Variants in VPS50 observed in about 807,000 individuals in gnomAD.
The protein encoded by VPS50 is syndetin.
In VPS50, 70 loss-of-function variants were observed where a neutral mutation model predicts 139.7. That is an observed-to-expected ratio of 0.50 (90% confidence interval 0.41 to 0.61). The LOEUF (loss-of-function observed/expected upper bound fraction) is 0.61, where lower values mean the gene tolerates loss of function less well. Among genes scored for constraint, VPS50 ranks in the 20% least tolerant of loss-of-function variants. The pLI, the probability that VPS50 is intolerant of heterozygous loss-of-function variation, is 0.00. For missense variants in VPS50, 921 were observed against 1,133.7 expected, an observed-to-expected ratio of 0.81 and a Z score of 2.69; for synonymous variants, 365 against 376.7, an observed-to-expected ratio of 0.97 and a Z score of 0.36.
At chr7:93,330,382 A>G (rs1797900282) in intron 21 of VPS50, among the ~76,000 whole-genome samples, 1 of 152,178 alleles carries the variant, frequency 6.6e-6, no homozygotes, top group Non-Finnish European at 1.5e-5. Flanking sequence ...ATGATAATGG[A>G]CTAAACTCTC....
At chr7:93,268,777 CTATTCACATGTCTTTGT>C (rs1224798798) in intron 9 of VPS50, among the ~76,000 whole-genome samples, 73 of 152,204 alleles carry the variant, frequency 4.8e-4, no homozygotes, top group Admixed American at 1.8e-3. Flanking sequence ...CATGTCTTTG[CTATTCACATGTCTTTGT>C]TATCGTGAAT....
intron 2 of VPS50, among the ~76,000 whole-genome samples, chr7:93,249,212 T>C (rs1218363798): frequency 1.3e-5 from 2 of 152,162 alleles, no homozygotes; most frequent in Non-Finnish European, 1.5e-5. Flanking sequence ...GTTTTTGAAA[T>C]GTACACTTGT....
chr7:93,314,428 C>G (rs1797362822), intron 20 of VPS50, among the ~76,000 whole-genome samples: 1 of 152,144 alleles, frequency 6.6e-6, no homozygotes, highest in Non-Finnish European at 1.5e-5. Flanking sequence ...GAGGACTGAT[C>G]AGAACAGTTG....
At chr7:93,303,647 TA>T in intron 17 of VPS50, 97 bp downstream of exon 17, 1 of 529,152 alleles carries the variant, frequency 1.9e-6, no homozygotes, top group Non-Finnish European at 3.3e-6. Context: ...AAAACATTTA[TA>T]AAATAAATTA....
chr7:93,318,476 C>T (rs1332831120), intron 20 of VPS50, among the ~76,000 whole-genome samples: 3 of 152,118 alleles, frequency 2.0e-5, no homozygotes, highest in South Asian at 4.1e-4. Context: ...GCTATTATGG[C>T]TTTATATGCC....
intron 3 of VPS50, among the ~76,000 whole-genome samples, 169 bp from the exon 4 acceptor site, chr7:93,253,691 G>T (rs1795403825): frequency 6.6e-6 from 1 of 152,172 alleles, no homozygotes; most frequent in Non-Finnish European, 1.5e-5. Flanking sequence ...AGGCTTTTGT[G>T]GTTGGAACCT....
chr7:93,324,499 A>T (rs1190170044), intron 21 of VPS50, among the ~76,000 whole-genome samples: 8 of 152,162 alleles, frequency 5.3e-5, no homozygotes, highest in Non-Finnish European at 1.2e-4. Flanking sequence ...TAGCATGAAG[A>T]GTTGTTGAAT....
intron 17 of VPS50, 23 bp downstream of exon 17, chr7:93,303,573 G>T: frequency 8.9e-7 from 1 of 1,123,488 alleles, no homozygotes; most frequent in Non-Finnish European, 1.3e-6. Context: ...TAAGAACAAA[G>T]AAATCTGTCT....
chr7:93,287,742 G>A (rs959367875), intron 12 of VPS50, among the ~76,000 whole-genome samples: 3 of 152,014 alleles, frequency 2.0e-5, no homozygotes, highest in Non-Finnish European at 2.9e-5. Flanking sequence ...ACCTTTATTT[G>A]GGTATGATTG....
At chr7:93,330,080 A>G (rs565096109) in intron 21 of VPS50, among the ~76,000 whole-genome samples, 1 of 152,286 alleles carries the variant, frequency 6.6e-6, no homozygotes, top group South Asian at 2.1e-4. Context: ...GTCTTCCTGG[A>G]GTTCATAATA....
At chr7:93,329,595 G>A (rs1797878015) in intron 21 of VPS50, among the ~76,000 whole-genome samples, 1 of 151,888 alleles carries the variant, frequency 6.6e-6, no homozygotes, top group Admixed American at 6.6e-5. Context: ...AGCAAGAAGA[G>A]GAAGCATAAA....
At chr7:93,337,673 A>G (rs1183327526) in intron 22 of VPS50, among the ~76,000 whole-genome samples, 1 of 152,192 alleles carries the variant, frequency 6.6e-6, no homozygotes, top group Non-Finnish European at 1.5e-5. Flanking sequence ...TAATTATACA[A>G]TATTTTAAAA....
intron 23 of VPS50, among the ~76,000 whole-genome samples, chr7:93,343,624 C>T (rs1347678185): frequency 6.6e-6 from 1 of 152,194 alleles, no homozygotes; most frequent in African/African-American, 2.4e-5. Flanking sequence ...ATCAGACTAA[C>T]AGCAGATCTC....
intron 2 of VPS50, among the ~76,000 whole-genome samples, chr7:93,252,321 T>C (rs532346943): frequency 2.0e-5 from 3 of 152,318 alleles, no homozygotes; most frequent in African/African-American, 7.2e-5. Flanking sequence ...TAGTAAAATT[T>C]ATATATCTGT....
chr7:93,249,320 GAA>G (rs1252624771), intron 2 of VPS50, among the ~76,000 whole-genome samples: 1 of 151,792 alleles, frequency 6.6e-6, no homozygotes, highest in Non-Finnish European at 1.5e-5. Flanking sequence ...GAGAGAGAGA[GAA>G]AGAGAGAGAG....
At chr7:93,327,265 T>G (rs1562889084) in intron 21 of VPS50, among the ~76,000 whole-genome samples, 1 of 152,208 alleles carries the variant, frequency 6.6e-6, no homozygotes, top group Non-Finnish European at 1.5e-5. Flanking sequence ...GTATTCTTAA[T>G]TGTATCCAAT....
intron 4 of VPS50, chr7:93,256,284 A>C (rs576600433): frequency 6.1e-4 from 183 of 298,600 alleles, no homozygotes; most frequent in Non-Finnish European, 1.0e-3. Context: ...CCATTTATTG[A>C]GTTTCTGTTA....
chr7:93,311,227 G>A lies in VPS50; in HGVS notation c.1810G>A (p.Ala604Thr). Residue 604 changes from alanine to threonine, a missense_variant, in exon 20 of 28, where the codon GCA becomes ACA. Physicochemically the swap from Ala to Thr is moderately conservative, Grantham distance 58. Coordinates refer to ENST00000305866, the MANE Select transcript of VPS50 (RefSeq NM_017667.4). ...KSDYSLNKVNAPILTNTTLNV... is the reference protein window; with the variant it reads ...KSDYSLNKVNTPILTNTTLNV... ...AGATTACAGTCTAAATAAAGTGAAT[G>A]CACCTATCTTAACAAATACAACATT... is the stretch of plus-strand genomic sequence containing the variant. 1 of 1,423,304 alleles carries A rather than the reference G, an allele frequency of 7.0e-7. No individual in the cohort carries two copies. The highest frequency in any genetic ancestry group is 9.9e-7 in the Non-Finnish European group (1 of 1,006,270). 88.2% of individuals were successfully genotyped at this position (1,423,304 alleles called of 1,614,324 possible). A position where few individuals can be genotyped will look rare whatever the true frequency, so the allele number is the denominator to read the frequency against.
intron 20 of VPS50, among the ~76,000 whole-genome samples, chr7:93,319,591 T>C (rs1355493164): frequency 6.6e-6 from 1 of 152,244 alleles, no homozygotes; most frequent in African/African-American, 2.4e-5. Flanking sequence ...TTTCTCTCTC[T>C]TTGAAAACTT....
Sources: gnomAD v4.1 joint callset for allele counts (sites outside exome capture counted in the v4.1 genomes callset) on GRCh38, gnomAD v4.1.1 for gene constraint, MANE v1.5 for transcripts, NCBI Gene and HGNC (gene_info 2026-07-23, HGNC 2026-07-21) for gene names.